Variants in BAZ2B observed in about 807,000 individuals in gnomAD.
BAZ2B encodes bromodomain adjacent to zinc finger domain 2B.
Under a neutral mutation model 246.0 loss-of-function variants are expected in BAZ2B, and 91 were observed. That is an observed-to-expected ratio of 0.37 (90% CI 0.31 to 0.44). The LOEUF is 0.44. Ranked by LOEUF, BAZ2B falls within the 20% of genes least tolerant of loss-of-function variation. The probability of loss-of-function intolerance (pLI) is 1.00; values close to 1 mark genes in which losing one functional copy is unlikely to be tolerated. For synonymous variants in BAZ2B, 855 were observed against 860.0 expected, an observed-to-expected ratio of 0.99 and a Z score of 0.10; for missense variants, 2,332 against 2,533.7, an observed-to-expected ratio of 0.92 and a Z score of 1.71.
intron 4 of BAZ2B, among the ~76,000 whole-genome samples, chr2:159,452,640 C>T (rs892243500): frequency 6.6e-6 from 1 of 152,170 alleles, no homozygotes; most frequent in Non-Finnish European, 1.5e-5. Flanking sequence ...AAAATACATA[C>T]AAATTTAGGC....
At chr2:159,497,227 T>C (rs2081260869) in intron 2 of BAZ2B, among the ~76,000 whole-genome samples, 1 of 152,170 alleles carries the variant, frequency 6.6e-6, no homozygotes, top group Non-Finnish European at 1.5e-5. Context: ...ACAAAGATTT[T>C]GGAGACAGGC....
At chr2:159,645,744 C>T in the BAZ2B span, among the ~76,000 whole-genome samples, 1 of 152,050 alleles carries the variant, frequency 6.6e-6, no homozygotes, top group Non-Finnish European at 1.5e-5. Context: ...AATTTTAAAG[C>T]TGGGTGTCCG....
At chr2:159,424,559 T>C (rs1338168544) in intron 13 of BAZ2B, among the ~76,000 whole-genome samples, 2 of 152,130 alleles carry the variant, frequency 1.3e-5, no homozygotes, top group Admixed American at 6.5e-5. Context: ...TTAGAACATA[T>C]AGAACTAACG....
intron 9 of BAZ2B, 145 bp from the exon 10 acceptor site, chr2:159,431,301 G>T: frequency 1.6e-6 from 2 of 1,242,344 alleles, no homozygotes; most frequent in Non-Finnish European, 2.2e-6. Flanking sequence ...AATGTTATAA[G>T]CTATTTGAGA....
chr2:159,660,371 G>C, the BAZ2B span, among the ~76,000 whole-genome samples: 1 of 152,170 alleles, frequency 6.6e-6, no homozygotes, highest in East Asian at 1.9e-4. Flanking sequence ...TCATTTAAAA[G>C]AATTTGGGTT....
intron 27 of BAZ2B, among the ~76,000 whole-genome samples, chr2:159,350,890 G>A (rs2058482033): frequency 7.0e-6 from 1 of 143,658 alleles, no homozygotes; most frequent in Admixed American, 7.0e-5. Flanking sequence ...ACATATATTT[G>A]TTATAAAAAA....
At chr2:159,612,628 T>C (rs1193591602) in intron 1 of BAZ2B, among the ~76,000 whole-genome samples, 1 of 152,152 alleles carries the variant, frequency 6.6e-6, no homozygotes, top group Non-Finnish European at 1.5e-5. Flanking sequence ...CATGCAACTG[T>C]GATATCCTAC....
chr2:159,351,955 C>G (rs1479043160), intron 27 of BAZ2B, among the ~76,000 whole-genome samples: 1 of 152,160 alleles, frequency 6.6e-6, no homozygotes, highest in Admixed American at 6.5e-5. Context: ...CATCAATACA[C>G]CTTCCCAGAA....
intron 27 of BAZ2B, among the ~76,000 whole-genome samples, chr2:159,365,644 T>A (rs1013930475): frequency 6.6e-6 from 1 of 152,218 alleles, no homozygotes; most frequent in Non-Finnish European, 1.5e-5. Context: ...TAAATTTCTG[T>A]TGTATGCTTA....
At chr2:159,495,430 A>C (rs530490060) in intron 2 of BAZ2B, among the ~76,000 whole-genome samples, 34 of 130,520 alleles carry the variant, frequency 2.6e-4, no homozygotes, top group African/African-American at 9.5e-4. Flanking sequence ...GCTTGCAGTG[A>C]GCCGAGATCG....
At chr2:159,385,055 A>G in intron 23 of BAZ2B, 100 bp downstream of exon 23, 1 of 1,178,620 alleles carries the variant, frequency 8.5e-7, no homozygotes. Flanking sequence ...TCTTTGTGCT[A>G]GTCTGTAACT....
intron 19 of BAZ2B, among the ~76,000 whole-genome samples, chr2:159,396,804 T>C (rs2064093779): frequency 6.6e-6 from 1 of 152,164 alleles, no homozygotes; most frequent in African/African-American, 2.4e-5. Context: ...AATTGTATAG[T>C]GATCCAACTT....
At chr2:159,395,295 G>A (rs1417197696) in intron 20 of BAZ2B, 1 of 152,284 alleles carries the variant, frequency 6.6e-6, no homozygotes, top group East Asian at 1.9e-4. Context: ...CATTCTGATT[G>A]TACTGCAATA....
intron 11 of BAZ2B, 147 bp downstream of exon 11, chr2:159,429,053 G>C: frequency 2.1e-6 from 1 of 487,548 alleles, no homozygotes; most frequent in Non-Finnish European, 3.4e-6. Context: ...CAAATTCCTT[G>C]CCCTTTGCTC....
At chr2:159,494,930 G>C (rs1469454398) in intron 2 of BAZ2B, among the ~76,000 whole-genome samples, 1 of 152,096 alleles carries the variant, frequency 6.6e-6, no homozygotes, top group Non-Finnish European at 1.5e-5. Flanking sequence ...CCTAATCAAT[G>C]CTGAGTTAAA....
the BAZ2B span, among the ~76,000 whole-genome samples, chr2:159,633,597 CT>C: frequency 2.0e-5 from 3 of 152,016 alleles, no homozygotes. Context: ...CTAAAATGGT[CT>C]TTTTTAGGGT....
chr2:159,673,325 T>C, the BAZ2B span, among the ~76,000 whole-genome samples: 1 of 152,182 alleles, frequency 6.6e-6, no homozygotes, highest in Admixed American at 6.5e-5. Context: ...TTTCTTACCT[T>C]TAGACCAGTA....
chr2:159,388,587 A>C (rs1225351068), intron 21 of BAZ2B, among the ~76,000 whole-genome samples: 1 of 152,148 alleles, frequency 6.6e-6, no homozygotes, highest in Non-Finnish European at 1.5e-5. Context: ...TTTGTGTCTC[A>C]GTTTTCTCAT....
chr2:159,558,913 T>C (rs2089521512), intron 1 of BAZ2B, among the ~76,000 whole-genome samples: 1 of 152,046 alleles, frequency 6.6e-6, no homozygotes, highest in Non-Finnish European at 1.5e-5. Flanking sequence ...AAACTAACCT[T>C]CTCTACCCCA....
Sources: gnomAD v4.1 joint callset for allele counts (sites outside exome capture counted in the v4.1 genomes callset) on GRCh38, gnomAD v4.1.1 for gene constraint, MANE v1.5 for transcripts, NCBI Gene and HGNC (gene_info 2026-07-23, HGNC 2026-07-21) for gene names.